Variants in UMAD1 observed in about 807,000 individuals in gnomAD.
UMAD1 encodes the protein UBAP1-MVB12-associated (UMA)-domain containing protein 1.
Under a neutral mutation model 6.1 loss-of-function variants are expected in UMAD1, and 8 were observed. That is an observed-to-expected ratio of 1.30 (90% CI 0.76 to 2.35). The LOEUF is 2.35. Among genes scored for constraint, UMAD1 ranks in the 30% most tolerant of loss-of-function variants. UMAD1 has a pLI of 0.00. For missense variants in UMAD1, 130 were observed against 78.4 expected (o/e 1.66, Z -2.49); for synonymous variants, 56 against 31.4 (o/e 1.78, Z -2.61).
At chr7:7,799,351 C>T (rs940516509) in intron 2 of UMAD1, among the ~76,000 whole-genome samples, 1 of 152,206 alleles carries the variant, frequency 6.6e-6, no homozygotes, top group Non-Finnish European at 1.5e-5. Context: ...TTTCAGTAAA[C>T]AGTGATTCTG....
intron 3 of UMAD1, among the ~76,000 whole-genome samples, chr7:7,869,468 G>A (rs941137972): frequency 6.6e-6 from 1 of 152,178 alleles, no homozygotes; most frequent in Admixed American, 6.5e-5. Flanking sequence ...TAAATTGAAT[G>A]TGTTGGAAGA....
intron 3 of UMAD1, among the ~76,000 whole-genome samples, chr7:7,815,758 A>G (rs532561641): frequency 1.2e-4 from 18 of 152,306 alleles, no homozygotes; most frequent in African/African-American, 4.3e-4. Context: ...CCTGGTAAGG[A>G]GCCTACTTTA....
chr7:7,813,724 TTG>T (rs1243835495), intron 3 of UMAD1, among the ~76,000 whole-genome samples: 3 of 152,224 alleles, frequency 2.0e-5, no homozygotes, highest in Non-Finnish European at 2.9e-5. Flanking sequence ...TGCTGTTTAT[TTG>T]TTCATCGAGA....
intron 2 of UMAD1, among the ~76,000 whole-genome samples, chr7:7,787,896 G>A (rs1203380691): frequency 1.3e-5 from 2 of 152,128 alleles, no homozygotes; most frequent in Non-Finnish European, 2.9e-5. Context: ...CTATTAATAA[G>A]CTTATTTCCT....
intron 3 of UMAD1, among the ~76,000 whole-genome samples, chr7:7,860,424 A>G (rs1320132453): frequency 2.0e-5 from 3 of 151,920 alleles, no homozygotes; most frequent in African/African-American, 7.3e-5. Context: ...AATCCTAATG[A>G]ATCTGTTAGA....
chr7:7,648,252 C>T (rs987855412), intron 1 of UMAD1, among the ~76,000 whole-genome samples: 6 of 152,216 alleles, frequency 3.9e-5, no homozygotes, highest in Admixed American at 3.3e-4. Context: ...TAGCGTTTGA[C>T]AGATCATGAG....
At chr7:7,657,175 T>G (rs575459074) in intron 1 of UMAD1, among the ~76,000 whole-genome samples, 1 of 152,344 alleles carries the variant, frequency 6.6e-6, no homozygotes, top group East Asian at 1.9e-4. Flanking sequence ...TTTTTTCTTG[T>G]AAATTTGTTT....
intron 1 of UMAD1, among the ~76,000 whole-genome samples, chr7:7,668,385 A>C (rs1310460399): frequency 2.0e-5 from 3 of 152,216 alleles, no homozygotes; most frequent in Non-Finnish European, 2.9e-5. Flanking sequence ...TGAGTACAGT[A>C]CTATAAGGTT....
At chr7:7,678,408 A>C (rs1482173857) in intron 2 of UMAD1, among the ~76,000 whole-genome samples, 2 of 145,330 alleles carry the variant, frequency 1.4e-5, no homozygotes, top group Non-Finnish European at 3.0e-5. Context: ...ATTCAGATAT[A>C]TAAAAAAATA....
intron 3 of UMAD1, among the ~76,000 whole-genome samples, chr7:7,862,264 A>G (rs1784130438): frequency 6.6e-6 from 1 of 152,186 alleles, no homozygotes; most frequent in Non-Finnish European, 1.5e-5. Context: ...TAAAATGGAA[A>G]GTGTTCCATT....
intron 2 of UMAD1, among the ~76,000 whole-genome samples, chr7:7,698,392 TAGA>T (rs951742357): frequency 3.3e-5 from 5 of 152,210 alleles, no homozygotes; most frequent in African/African-American, 1.2e-4. Flanking sequence ...ACCAAACTGG[TAGA>T]AGTTTTGATT....
intron 3 of UMAD1, among the ~76,000 whole-genome samples, chr7:7,808,931 C>G (rs567144712): frequency 6.6e-6 from 1 of 151,884 alleles, no homozygotes; most frequent in Non-Finnish European, 1.5e-5. Context: ...TATTGAGATA[C>G]TCCTGTGGTT....
chr7:7,736,539 CA>C (rs1781364204), intron 2 of UMAD1: 1 of 152,202 alleles, frequency 6.6e-6, no homozygotes, highest in Non-Finnish European at 1.5e-5. Flanking sequence ...GTGTGCTCTT[CA>C]AATGATCTCC....
intron 2 of UMAD1, among the ~76,000 whole-genome samples, chr7:7,760,275 AC>A (rs1183011846): frequency 1.3e-5 from 2 of 152,092 alleles, no homozygotes; most frequent in African/African-American, 4.8e-5. Flanking sequence ...GCAACCTCTA[AC>A]ATCACTACAC....
intron 2 of UMAD1, among the ~76,000 whole-genome samples, chr7:7,753,684 G>A (rs1781721513): frequency 6.6e-6 from 1 of 152,160 alleles, no homozygotes; most frequent in African/African-American, 2.4e-5. Context: ...TTGTTGGGGT[G>A]CTTAGGTTGC....
chr7:7,830,971 T>C lies in UMAD1; in HGVS notation c.156+29228T>C, dbSNP rs73055864. Among the ~76,000 whole-genome samples the C allele has an allele frequency of 0.15, 22,917 of 152,186 alleles. 2,405 individuals are homozygous for C. The highest frequency in any genetic ancestry group is 0.22 in the Middle Eastern group (65 of 294). ...TTAATTATAAAAAATATACCAGTCC[T>C]TAAAATATGTATTTTATTGATAAAA... On this transcript the variant is annotated intron_variant, in intron 3 of 3. Transcript: ENST00000682710. This position sits in a 1 kb window ranked among gnomAD's most constrained non-coding sequence, Gnocchi z 5.3.
chr7:7,807,659 C>CTA (rs149273495), intron 3 of UMAD1, among the ~76,000 whole-genome samples: 71 of 152,128 alleles, frequency 4.7e-4, no homozygotes, highest in Middle Eastern at 3.4e-3. Flanking sequence ...TTTTACAGAG[C>CTA]TAGATTATGG....
At chr7:7,705,821 T>C (rs1267186399) in intron 2 of UMAD1, among the ~76,000 whole-genome samples, 1 of 152,168 alleles carries the variant, frequency 6.6e-6, no homozygotes, top group Non-Finnish European at 1.5e-5. Flanking sequence ...CAGTGTATGT[T>C]CATCAATTGT....
At chr7:7,768,882 A>G (rs1421870963) in intron 2 of UMAD1, among the ~76,000 whole-genome samples, 6 of 152,240 alleles carry the variant, frequency 3.9e-5, no homozygotes, top group Non-Finnish European at 8.8e-5. Flanking sequence ...TCCAGTGTCT[A>G]TAACATATTA....
Sources: gnomAD v4.1 joint callset for allele counts (sites outside exome capture counted in the v4.1 genomes callset) on GRCh38, gnomAD v4.1.1 for gene constraint, Gnocchi (gnomAD v3.1) non-coding constraint, MANE v1.5 for transcripts, NCBI Gene and HGNC (gene_info 2026-07-23, HGNC 2026-07-21) for gene names.